Variants in PCDHA1 observed in about 807,000 individuals in gnomAD.
PCDHA1 encodes the protein protocadherin alpha 1, also known as protocadherin alpha-1.
A neutral mutation model predicts 61.3 loss-of-function variants in PCDHA1; 42 were observed. The ratio of observed to expected loss-of-function variants is 0.69; its 90% CI spans 0.54 to 0.89. PCDHA1 has a LOEUF of 0.89. Among genes scored for constraint, PCDHA1 ranks in the 40% least tolerant of loss-of-function variants. The pLI is 0.00. For missense variants in PCDHA1, 1,256 were observed against 1,235.3 expected (o/e 1.02, Z -0.25); for synonymous variants, 610 against 553.8 (o/e 1.10, Z -1.43).
rs781935630 is a variant in PCDHA1, at chr5:140,786,515, G to A, written c.225G>A (p.Leu75=). 71 of 1,613,972 alleles carry A rather than the reference G, an allele frequency of 4.4e-5. No individual in the cohort carries two copies. Among genetic ancestry groups the A allele is most frequent in the Non-Finnish European group, 5.8e-5 (68 of 1,180,056 alleles). ...CGTCCAAAACACACAGGGACCTTCT[G>A]GAGGTAAATCTGCAGAATGGCATTT... is the stretch of plus-strand genomic sequence containing the variant. The part of the protein sequence containing the change: ...RVASKTHRDL[L]EVNLQNGILF... Residue 75 remains leucine, a synonymous_variant, in exon 1 of 4, where the codon CTG becomes CTA. Transcript: ENST00000504120.
At chr5:140,958,711 T>C (rs1402769483) in intron 1 of PCDHA1, among the ~76,000 whole-genome samples, 1 of 152,216 alleles carries the variant, frequency 6.6e-6, no homozygotes, top group Non-Finnish European at 1.5e-5. Flanking sequence ...AACTCTGTTA[T>C]AATAAATGTA....
chr5:140,850,269 G>C lies in PCDHA1; in HGVS notation c.2394+61585G>C, dbSNP rs201513560. ...GTCGGTGGGCGCCGGCGTAGTGGTGGGGAAGGTGCGCGCAGTGGACGCCGA... is the reference window on the plus strand; with the variant it reads ...GTCGGTGGGCGCCGGCGTAGTGGTGCGGAAGGTGCGCGCAGTGGACGCCGA... On this transcript the variant is annotated intron_variant, in intron 1 of 3. Transcript: ENST00000504120. 7 of 1,594,786 alleles carry C rather than the reference G, an allele frequency of 4.4e-6. 1 individual carries two copies. The highest frequency in any genetic ancestry group is 1.3e-5 in the African/African-American group (1 of 74,148).
At chr5:140,801,685 G>A (rs111499856) in intron 1 of PCDHA1, 5 of 1,614,202 alleles carry the variant, frequency 3.1e-6, no homozygotes, top group African/African-American at 1.3e-5. Context: ...GCAGATATCG[G>A]AACAAATTCG....
Position 140,899,489 on chromosome 5 carries a change from A to G in PCDHA1, c.2395-79460A>G, listed in dbSNP as rs1445369123. 2.0e-5 allele frequency among the ~76,000 whole-genome samples: 3 copies of G among 152,246 alleles called. 1 individual carries two copies. Among genetic ancestry groups the G allele is most frequent in the Non-Finnish European group, 4.4e-5 (3 of 68,052 alleles). On this transcript the variant is annotated intron_variant, in intron 1 of 3. Coordinates refer to ENST00000504120, the MANE Select transcript of PCDHA1 (RefSeq NM_018900.4). ...TTTGGTTCTGTTTATATGCTGGATT[A>G]CATTTATTGATTTGCATATATTGCA...
intron 1 of PCDHA1, chr5:140,803,540 T>C (rs781803619): frequency 5.0e-6 from 8 of 1,614,182 alleles, no homozygotes; most frequent in Non-Finnish European, 6.8e-6. Flanking sequence ...CTTGTCCAAT[T>C]AGCCGGGATA....
At chr5:140,877,748 G>T in intron 1 of PCDHA1, 1 of 1,614,188 alleles carries the variant, frequency 6.2e-7, no homozygotes, top group Non-Finnish European at 8.5e-7. Flanking sequence ...CAGAGGGTGT[G>T]CTCTGCAGAG....
At chr5:140,856,015 G>T (rs781811609) in intron 1 of PCDHA1, 3 of 1,550,260 alleles carry the variant, frequency 1.9e-6, no homozygotes, top group Non-Finnish European at 2.6e-6. Flanking sequence ...CTAGACCGCT[G>T]ATTCGTCGAT....
intron 1 of PCDHA1, among the ~76,000 whole-genome samples, chr5:140,953,593 G>T (rs1392522676): frequency 6.6e-6 from 1 of 152,026 alleles, no homozygotes; most frequent in African/African-American, 2.4e-5. Context: ...GCCTCCTTTT[G>T]TTTATTCCCC....
At chr5:140,834,317 G>A in intron 1 of PCDHA1, 4 of 1,393,006 alleles carry the variant, frequency 2.9e-6, no homozygotes, top group South Asian at 1.4e-5. Context: ...GAAATGAAGG[G>A]ATAAAAACAT....
At chr5:140,930,084 A>G (rs1350674790) in intron 1 of PCDHA1, 1 of 152,142 alleles carries the variant, frequency 6.6e-6, no homozygotes, top group Non-Finnish European at 1.5e-5. Flanking sequence ...CTCTCATAAC[A>G]TCTATTTATA....
At chr5:140,859,918 G>A (rs2046091009) in intron 1 of PCDHA1, 1 of 151,762 alleles carries the variant, frequency 6.6e-6, no homozygotes, top group Admixed American at 6.6e-5. Flanking sequence ...TATATTATAA[G>A]TAATATAAAA....
chr5:140,810,167 A>T (rs1460461101), intron 1 of PCDHA1: 2 of 152,314 alleles, frequency 1.3e-5, no homozygotes, highest in Non-Finnish European at 2.9e-5. Context: ...ATGTTGTTAT[A>T]TGTAGTTGTA....
chr5:140,809,388 C>T lies in PCDHA1; in HGVS notation c.2394+20704C>T, dbSNP rs782714901. On this transcript the variant is annotated intron_variant, in intron 1 of 3. Transcript: ENST00000504120. ...CTGCCCACCGAGGGCGCGTGCGCTCCGGGCAAGCCCACGCTGGTGTGCTCC... is the reference window on the plus strand; with the variant it reads ...CTGCCCACCGAGGGCGCGTGCGCTCTGGGCAAGCCCACGCTGGTGTGCTCC... 16 of 1,613,944 alleles carry T rather than the reference C, an allele frequency of 9.9e-6. No individual in the cohort carries two copies. The highest frequency in any genetic ancestry group is 1.3e-5 in the African/African-American group (1 of 74,948).
intron 1 of PCDHA1, chr5:140,802,458 T>G (rs782703795): frequency 1.2e-5 from 19 of 1,614,098 alleles, no homozygotes; most frequent in Non-Finnish European, 1.6e-5. Flanking sequence ...CGTGTCGGCC[T>G]ATGAGCTGGT....
chr5:140,809,449 G>T, intron 1 of PCDHA1: 1 of 1,614,260 alleles, frequency 6.2e-7, no homozygotes, highest in Non-Finnish European at 8.5e-7. Flanking sequence ...CGCAGCAGAG[G>T]AGGCCGAGGG....
At chr5:140,795,152 T>G in intron 1 of PCDHA1, 1 of 1,614,050 alleles carries the variant, frequency 6.2e-7, no homozygotes, top group Non-Finnish European at 8.5e-7. Context: ...GTGCCGCGCC[T>G]GTTCCGGGTG....
At chr5:140,822,516 T>C (rs1175154798) in intron 1 of PCDHA1, 2 of 1,613,966 alleles carry the variant, frequency 1.2e-6, no homozygotes, top group South Asian at 1.1e-5. Context: ...CCATTTATAA[T>C]GTCAGATTGT....
intron 1 of PCDHA1, chr5:140,808,101 A>C: frequency 6.2e-7 from 1 of 1,613,968 alleles, no homozygotes; most frequent in Non-Finnish European, 8.5e-7. Flanking sequence ...ATTATTGTAA[A>C]GGGATATATT....
In PCDHA1 at chr5:140,796,613, C is replaced by T; in HGVS notation, c.2394+7929C>T. 1.2e-6 allele frequency: 2 copies of T among 1,611,940 alleles called. No individual in the cohort carries two copies. The highest frequency in any genetic ancestry group is 1.7e-6 in the Non-Finnish European group (2 of 1,179,396). On this transcript the variant is annotated intron_variant, in intron 1 of 3. Coordinates refer to ENST00000504120, the MANE Select transcript of PCDHA1 (RefSeq NM_018900.4). ...GTGCCGCCTCTGGGCAGCAACGTGA[C>T]GCTGCAGGTGTTCGTGCTGGACGAG...
Sources: allele counts gnomAD v4.1 joint callset (sites outside exome capture counted in the v4.1 genomes callset), GRCh38; gene constraint gnomAD v4.1.1; transcripts MANE v1.5; gene names NCBI Gene and HGNC (gene_info 2026-07-23, HGNC 2026-07-21).